The following LRP2 variants were observed in gnomAD, a reference collection of about 807,000 sequenced individuals.
The protein encoded by LRP2 is LDL receptor related protein 2.
Under a neutral mutation model 531.0 loss-of-function variants are expected in LRP2, and 172 were observed. The observed-to-expected ratio is 0.32, with a 90% CI of 0.29 to 0.37. The LOEUF is 0.37. Ranked by LOEUF, LRP2 falls within the 10% of genes least tolerant of loss-of-function variation. The pLI is 1.00. For synonymous variants in LRP2, 1,992 were observed against 2,027.6 expected (o/e 0.98, Z 0.47); for missense variants, 5,167 against 5,868.3 (o/e 0.88, Z 3.90).
chr2:169,344,009 C>G (rs1350955793), intron 1 of LRP2, among the ~76,000 whole-genome samples: 2 of 152,180 alleles, frequency 1.3e-5, no homozygotes, highest in African/African-American at 4.8e-5. Context: ...CTTGAAGAAA[C>G]CATAAATAAA....
intron 48 of LRP2, among the ~76,000 whole-genome samples, chr2:169,190,151 C>T (rs1005307866): frequency 1.3e-5 from 2 of 152,178 alleles, no homozygotes; most frequent in South Asian, 2.1e-4. Context: ...AAGTGCAACA[C>T]AATAGAACTC....
chr2:169,169,039 T>C (rs1052639527), intron 60 of LRP2, among the ~76,000 whole-genome samples: 1 of 152,248 alleles, frequency 6.6e-6, no homozygotes. Context: ...TGTTGATGGA[T>C]CAGCAATAAT....
intron 48 of LRP2, among the ~76,000 whole-genome samples, 163 bp downstream of exon 48, chr2:169,191,668 GT>G (rs555896277): frequency 6.7e-4 from 102 of 151,780 alleles, no homozygotes; most frequent in Middle Eastern, 3.4e-3. Context: ...TGATGTAAAA[GT>G]TTTTTTTCCC....
chr2:169,190,406 T>C (rs949086102), intron 48 of LRP2, among the ~76,000 whole-genome samples: 2 of 152,126 alleles, frequency 1.3e-5, no homozygotes, highest in African/African-American at 4.8e-5. Context: ...CCTGATAGCA[T>C]TTATCTACTT....
chr2:169,311,896 C>T (rs966632687), intron 3 of LRP2, among the ~76,000 whole-genome samples: 2 of 152,088 alleles, frequency 1.3e-5, no homozygotes, highest in African/African-American at 4.8e-5. Context: ...GTATTGGGTG[C>T]ATATATATTT....
chr2:169,247,269 A>T, intron 20 of LRP2, 109 bp downstream of exon 20: 1 of 1,177,416 alleles, frequency 8.5e-7, no homozygotes. Flanking sequence ...ATATAAAACT[A>T]CCAGGAGCTA....
At chr2:169,236,446 A>T (rs1285970919) in intron 28 of LRP2, among the ~76,000 whole-genome samples, 1 of 152,234 alleles carries the variant, frequency 6.6e-6, no homozygotes, top group Non-Finnish European at 1.5e-5. Context: ...AAATCAATTT[A>T]TTCTTCATCA....
At chr2:169,302,374 T>C (rs1408280551) in intron 4 of LRP2, among the ~76,000 whole-genome samples, 1 of 152,150 alleles carries the variant, frequency 6.6e-6, no homozygotes, top group Non-Finnish European at 1.5e-5. Flanking sequence ...AAAGTACTCT[T>C]GCCTTCCCTT....
At chr2:169,197,939 A>G (rs1281421487) in intron 45 of LRP2, among the ~76,000 whole-genome samples, 5 of 152,262 alleles carry the variant, frequency 3.3e-5, no homozygotes, top group African/African-American at 1.2e-4. Flanking sequence ...AGAACAGGGA[A>G]GTCCAATCAC....
At position 169,129,476 on chromosome 2, in the gene LRP2, C is replaced by G. The variant is rs535267454; in HGVS notation, c.13729-392G>C. 2.6e-4 allele frequency among the ~76,000 whole-genome samples: 39 copies of G among 152,294 alleles called. 1 individual carries two copies. The South Asian group carries it at 7.9e-3, about 31-fold the overall frequency. On this transcript the variant is annotated intron_variant, in intron 77 of 78. Transcript: ENST00000649046. Reference sequence around the variant, plus strand: ...GAAAATTGGGTGGAGATGGCAAAGCCAAACTGTAACTCTTATTCCCTAAAG... The same window carrying G: ...GAAAATTGGGTGGAGATGGCAAAGCGAAACTGTAACTCTTATTCCCTAAAG...
intron 1 of LRP2, among the ~76,000 whole-genome samples, chr2:169,333,281 T>A (rs1022182057): frequency 1.3e-5 from 2 of 152,146 alleles, no homozygotes; most frequent in African/African-American, 2.4e-5. Context: ...TGCCACGACC[T>A]GGATATGTGA....
chr2:169,151,997 C>A (rs1686156496), intron 67 of LRP2, among the ~76,000 whole-genome samples: 1 of 152,168 alleles, frequency 6.6e-6, no homozygotes, highest in African/African-American at 2.4e-5. Context: ...AGAGTAGTGT[C>A]TCCTGAACCT....
intron 29 of LRP2, among the ~76,000 whole-genome samples, chr2:169,234,978 C>T (rs1159725872): frequency 6.6e-6 from 1 of 151,058 alleles, no homozygotes; most frequent in African/African-American, 2.4e-5. Context: ...GGCACAATCA[C>T]AGCTCACTAC....
rs540564089 is a variant in LRP2 at position 169,327,524 on chromosome 2, G to C, written c.80-6640C>G. ...CCCCGCCCGGCCAGCCGCCCCGTCC[G>C]GGAGGGAGGTGGGGTCAGCCCCCCG... On this transcript the variant is annotated intron_variant, in intron 1 of 78. Coordinates refer to ENST00000649046, the MANE Select transcript of LRP2 (RefSeq NM_004525.3). Among the ~76,000 whole-genome samples, 85 of 125,680 alleles carry C rather than the reference G, an allele frequency of 6.8e-4. 1 individual carries two copies. Among genetic ancestry groups the C allele is most frequent in the African/African-American group, 2.5e-3 (80 of 32,140 alleles). The allele number at this position is 125,680 out of a possible 152,430, so 82.5% of individuals were successfully genotyped here.
chr2:169,151,061 A>G, intron 67 of LRP2, 35 bp from the exon 68 acceptor site: 1 of 1,612,628 alleles, frequency 6.2e-7, no homozygotes, highest in Non-Finnish European at 8.5e-7. Context: ...ACAACTGCAA[A>G]GCCTAGAGTA....
intron 16 of LRP2, among the ~76,000 whole-genome samples, chr2:169,260,224 A>G (rs1690490672): frequency 6.6e-6 from 1 of 152,142 alleles, no homozygotes; most frequent in African/African-American, 2.4e-5. Flanking sequence ...AACTAGGCCA[A>G]GAGACAAAAA....
intron 70 of LRP2, among the ~76,000 whole-genome samples, chr2:169,144,373 T>TCCCCAC (rs576173267): frequency 1.3e-3 from 180 of 134,058 alleles, no homozygotes; most frequent in African/African-American, 4.7e-3. Flanking sequence ...GTACTCCCCA[T>TCCCCAC]CCCCACCCCC....
intron 1 of LRP2, among the ~76,000 whole-genome samples, chr2:169,357,026 A>G (rs1311575562): frequency 6.6e-6 from 1 of 152,202 alleles, no homozygotes; most frequent in Non-Finnish European, 1.5e-5. Flanking sequence ...AAATAAAATA[A>G]ACATTCACAG....
At chr2:169,173,767 T>C (rs902432939) in intron 56 of LRP2, 152 bp downstream of exon 56, 9 of 1,025,628 alleles carry the variant, frequency 8.8e-6, no homozygotes, top group East Asian at 2.4e-5. Flanking sequence ...ACAGCTATAC[T>C]CTGCCTTGCA....
Sources: gnomAD v4.1 joint callset for allele counts (sites outside exome capture counted in the v4.1 genomes callset) on GRCh38, gnomAD v4.1.1 for gene constraint, MANE v1.5 for transcripts, NCBI Gene and HGNC (gene_info 2026-07-23, HGNC 2026-07-21) for gene names.